NPIPB11: variants seen among roughly 807,000 people sequenced by gnomAD.
NPIPB11 encodes the protein nuclear pore complex interacting protein family member B11, also known as nuclear pore complex-interacting protein family member B11.
Under a neutral mutation model 32.8 loss-of-function variants are expected in NPIPB11, and 17 were observed. The observed-to-expected ratio is 0.52, with a 90% CI of 0.35 to 0.78. The LOEUF is 0.78. NPIPB11 is among the 30% of genes least tolerant of loss of function. NPIPB11 has a pLI of 0.01. For missense variants in NPIPB11, 537 were observed against 1,000.4 expected (o/e 0.54, Z 6.25); for synonymous variants, 209 against 398.4 (o/e 0.52, Z 5.66).
At chr16:29,406,711 C>G (rs1336109837), upstream of NPIPB11, among the ~76,000 whole-genome samples, 1 of 140,214 alleles carries the variant, frequency 7.1e-6, no homozygotes, top group East Asian at 2.1e-4. Context: ...TAGAATCTAA[C>G]TAAAAAAAAA....
chr16:29,390,993 C>G (rs917125912), intron 3 of NPIPB11, among the ~76,000 whole-genome samples: 2 of 150,128 alleles, frequency 1.3e-5, no homozygotes, highest in African/African-American at 2.4e-5. Flanking sequence ...AATAGGCCAC[C>G]TGCGGTAGCT....
At chr16:29,397,282 C>T (rs1053249372) in intron 2 of NPIPB11, among the ~76,000 whole-genome samples, 11 of 152,014 alleles carry the variant, frequency 7.2e-5, no homozygotes, top group Non-Finnish European at 1.3e-4. Context: ...TCTCGGCTCA[C>T]TGCAACGTCC....
intron 2 of NPIPB11, among the ~76,000 whole-genome samples, chr16:29,401,381 T>C (rs1963988066): frequency 6.6e-6 from 1 of 152,136 alleles, no homozygotes; most frequent in South Asian, 2.1e-4. Context: ...CTCAGTTGAT[T>C]CTGAGTTCAC....
At chr16:29,401,726 G>C (rs1000106608) in intron 2 of NPIPB11, among the ~76,000 whole-genome samples, 18 of 152,154 alleles carry the variant, frequency 1.2e-4, no homozygotes, top group Non-Finnish European at 2.2e-4. Context: ...CTCGAGGCAA[G>C]AGTTGGGAGC....
At chr16:29,406,328 A>C (rs1177378187), upstream of NPIPB11, among the ~76,000 whole-genome samples, 1 of 152,268 alleles carries the variant, frequency 6.6e-6, no homozygotes, top group Non-Finnish European at 1.5e-5. Flanking sequence ...TTGTTGATAT[A>C]CGTGTTCCAA....
At chr16:29,394,273 C>G (rs560871354) in intron 2 of NPIPB11, among the ~76,000 whole-genome samples, 197 bp from the exon 3 acceptor site, 20 of 152,206 alleles carry the variant, frequency 1.3e-4, no homozygotes, top group Non-Finnish European at 2.8e-4. Context: ...GTAGTGTTTT[C>G]AGGCACTGCA....
At chr16:29,402,828 T>C (rs1964029470) in intron 2 of NPIPB11, among the ~76,000 whole-genome samples, 1 of 139,456 alleles carries the variant, frequency 7.2e-6, no homozygotes, top group African/African-American at 2.8e-5. Context: ...AAAGACAAGA[T>C]AATGTTCAAC....
At chr16:29,400,730 C>A (rs2142138322) in intron 2 of NPIPB11, among the ~76,000 whole-genome samples, 1 of 152,114 alleles carries the variant, frequency 6.6e-6, no homozygotes, top group South Asian at 2.1e-4. Flanking sequence ...CTCCTGGGTC[C>A]CCAGGGGGCA....
In NPIPB11 at chr16:29,382,210, G is replaced by A. The variant is rs840274; in HGVS notation, c.2722C>T (p.Leu908Phe). Residue 908 changes from leucine to phenylalanine, a missense_variant, in exon 8 of 8, where the codon CTT becomes TTT. Physicochemically the swap from Leu to Phe is conservative, Grantham distance 22 (BLOSUM62 0). Coordinates refer to ENST00000524087, the Ensembl canonical transcript of NPIPB11. ...GCTGAGGGTGGAGCTGAGGGTGGAA[G>A]GGGAGTGAGCTGACGTTTGGAAGGT... 15 of 1,550,904 alleles carry A rather than the reference G, an allele frequency of 9.7e-6. No homozygotes were observed. The East Asian group carries it at 1.4e-4, about 14-fold the overall frequency.
In NPIPB11 at chr16:29,402,664, C is replaced by T. The variant is rs544807325; in HGVS notation, c.120+1019G>A. 5.9e-3 allele frequency among the ~76,000 whole-genome samples: 865 copies of T among 147,616 alleles called. 7 individuals carry two copies. The highest frequency in any genetic ancestry group is 0.015 in the African/African-American group (601 of 39,144). Reference sequence around the variant, plus strand: ...GTTGCAGTGAGCCAAGATTGTGCCACTGCACTCCAGCCTGGGCGACAGAGT... The same window carrying T: ...GTTGCAGTGAGCCAAGATTGTGCCATTGCACTCCAGCCTGGGCGACAGAGT... On this transcript the variant is annotated intron_variant, in intron 2 of 7. Coordinates refer to ENST00000524087, the Ensembl canonical transcript of NPIPB11.
At chr16:29,392,239 G>A (rs548579926) in intron 3 of NPIPB11, among the ~76,000 whole-genome samples, 1 of 152,122 alleles carries the variant, frequency 6.6e-6, no homozygotes, top group Non-Finnish European at 1.5e-5. Context: ...ATGAAGAAAT[G>A]ACAAGCAAGG....
chr16:29,388,993 T>C (rs1963637469), intron 5 of NPIPB11, among the ~76,000 whole-genome samples: 1 of 146,334 alleles, frequency 6.8e-6, no homozygotes, highest in Non-Finnish European at 1.5e-5. Context: ...TCAGGAGTTC[T>C]AGACCAGCTT....
upstream of NPIPB11, among the ~76,000 whole-genome samples, chr16:29,406,550 C>CT (rs1212747154): frequency 6.6e-6 from 1 of 152,120 alleles, no homozygotes; most frequent in Admixed American, 6.5e-5. Context: ...CCTGTCTCCA[C>CT]TAAAAATACA....
chr16:29,382,295 G>C (rs758185104), exon 8 of NPIPB11: 1 of 1,596,756 alleles, frequency 6.3e-7, no homozygotes, highest in Non-Finnish European at 8.5e-7. Context: ...CCCCGCAGAC[G>C]CTCGGCAGGT....
intron 3 of NPIPB11, among the ~76,000 whole-genome samples, chr16:29,393,222 G>A (rs1369743857): frequency 6.6e-6 from 1 of 151,146 alleles, no homozygotes; most frequent in East Asian, 1.9e-4. Flanking sequence ...GATTCTCTTG[G>A]AGGGCAGTTC....
chr16:29,397,982 G>A (rs1963904067), intron 2 of NPIPB11, among the ~76,000 whole-genome samples: 1 of 94,022 alleles, frequency 1.1e-5, no homozygotes, highest in Non-Finnish European at 2.0e-5. Flanking sequence ...GTGAGGCTTA[G>A]GAGCAATTAG....
chr16:29,390,376 G>T, intron 3 of NPIPB11, 28 bp from the exon 4 acceptor site: 2 of 1,549,110 alleles, frequency 1.3e-6, no homozygotes, highest in South Asian at 1.1e-5. Flanking sequence ...AAGAATGACG[G>T]CTGGGCACGG....
exon 8 of NPIPB11, chr16:29,382,098 C>G: frequency 4.5e-6 from 2 of 444,002 alleles, no homozygotes; most frequent in East Asian, 4.0e-5. Flanking sequence ...AGTGAGCTGA[C>G]GTTTGGAAGG....
chr16:29,402,072 T>C (rs1001923034), intron 2 of NPIPB11, among the ~76,000 whole-genome samples: 57 of 151,522 alleles, frequency 3.8e-4, no homozygotes, highest in South Asian at 1.5e-3. Context: ...TTATTGACTG[T>C]AACCTCAGGC....
Sources: allele counts gnomAD v4.1 joint callset (sites outside exome capture counted in the v4.1 genomes callset), GRCh38; gene constraint gnomAD v4.1.1; transcripts MANE v1.5; gene names NCBI Gene and HGNC (gene_info 2026-07-23, HGNC 2026-07-21).